FERMT2: variants seen among roughly 807,000 people sequenced by gnomAD.
The protein encoded by FERMT2 is FERM domain containing kindlin 2, also known as fermitin family homolog 2.
FERMT2 carries 15 observed loss-of-function variants against 82.7 expected under a neutral mutation model. That is an observed-to-expected ratio of 0.18 (90% CI 0.12 to 0.28). FERMT2 has a LOEUF of 0.28. FERMT2 is among the 10% of genes least tolerant of loss of function. FERMT2 has a pLI of 1.00. For missense variants in FERMT2, 645 were observed against 809.4 expected, an observed-to-expected ratio of 0.80 and a Z score of 2.46; for synonymous variants, 274 against 271.5, an observed-to-expected ratio of 1.01 and a Z score of -0.09.
chr14:52,910,647 G>A (rs1226468817), intron 3 of FERMT2, among the ~76,000 whole-genome samples: 1 of 152,166 alleles, frequency 6.6e-6, no homozygotes, highest in Non-Finnish European at 1.5e-5. Flanking sequence ...ATTTTCTCAA[G>A]AGTTAAATTA....
intron 3 of FERMT2, among the ~76,000 whole-genome samples, chr14:52,911,784 T>C (rs1305166779): frequency 6.6e-6 from 1 of 152,216 alleles, no homozygotes; most frequent in African/African-American, 2.4e-5. Flanking sequence ...GGAATATTTA[T>C]AGCAATAACA....
Position 52,860,305 on chromosome 14 carries a change from ATTAAGGTTTACACATAGATGCT to A in FERMT2, c.1727+14_1727+35del. On this transcript the variant is annotated intron_variant, in intron 13 of 14. Transcript: ENST00000341590. ...TGAGGTAGATTAAGCAAAAATGCAG[ATTAAGGTTTACACATAGATGCT>A]TAGAACCACTGACCTTGCAATGAAG... is the stretch of plus-strand genomic sequence containing the variant. 5.6e-6 allele frequency: 9 copies of A among 1,605,790 alleles called. No individual in the cohort carries two copies. The highest frequency in any genetic ancestry group is 7.7e-6 in the Non-Finnish European group (9 of 1,175,586).
intron 9 of FERMT2, among the ~76,000 whole-genome samples, chr14:52,873,253 G>A (rs1274284181): frequency 6.6e-6 from 1 of 152,196 alleles, no homozygotes; most frequent in Non-Finnish European, 1.5e-5. Context: ...TGAAGTAAAT[G>A]TCAGTAATTG....
chr14:52,945,980 G>A (rs533484040), intron 2 of FERMT2, among the ~76,000 whole-genome samples: 11 of 152,098 alleles, frequency 7.2e-5, no homozygotes, highest in Admixed American at 2.6e-4. Flanking sequence ...GGGTTCGAGC[G>A]ATTCTCCTGT....
At chr14:52,906,949 G>A (rs1006626394) in intron 3 of FERMT2, among the ~76,000 whole-genome samples, 1 of 133,352 alleles carries the variant, frequency 7.5e-6, no homozygotes, top group Non-Finnish European at 1.6e-5. Flanking sequence ...CAATTATTGG[G>A]GGGGGGGGGG....
rs202238615 is a variant in FERMT2, at chr14:52,872,920, T to C, written c.1152A>G (p.Pro384=). The C allele has an allele frequency of 6.2e-7, 1 of 1,613,690 alleles. No individual in the cohort carries two copies. Among genetic ancestry groups the C allele is most frequent in the East Asian group, 2.2e-5 (1 of 44,882 alleles). The change falls in exon 10 of 15, where the codon CCA becomes CCG. Residue 384 remains proline (P), a synonymous_variant. Transcript: ENST00000341590. ...TGTAACCTTTCAGAGTCAGCTTTTT[T>C]GGCCTATGTATCAAAGAGAATTAAC... ...ELADYIKVFK[P]KKLTLKGYKQ...
rs1207085435 is a variant in FERMT2 at position 52,864,804 on chromosome 14, A to C, written c.1323T>G (p.Ile441Met). The C allele has an allele frequency of 6.2e-7, 1 of 1,612,280 alleles. No homozygotes were observed. Among genetic ancestry groups the C allele is most frequent in the South Asian group, 1.1e-5 (1 of 90,976 alleles). The change falls in exon 11 of 15, where the codon ATT becomes ATG. Residue 441 changes from isoleucine (I) to methionine (M), a missense_variant. Physicochemically the swap from Ile to Met is conservative, Grantham distance 10. Transcript: ENST00000341590. ...CTTCTGCAACTGGAATCAGGAGTTT[A>C]ATGTTAAATTTTTGGCCTGAAATGT... ...DVNISGQKFNIKLLIPVAEGM... is the reference protein window; with the variant it reads ...DVNISGQKFNMKLLIPVAEGM...
rs3068969 is a variant in FERMT2, at chr14:52,892,456, G to GTTTTTTGTTTTT, written c.526+836_526+837insAAAAACAAAAAA. Among the ~76,000 whole-genome samples, 2 of 133,388 alleles carry GTTTTTTGTTTTT rather than the reference G, an allele frequency of 1.5e-5. 1 individual carries two copies. Among genetic ancestry groups the GTTTTTTGTTTTT allele is most frequent in the Non-Finnish European group, 3.1e-5 (2 of 64,440 alleles). 87.5% of individuals were successfully genotyped at this position (133,388 alleles called of 152,430 possible). A position where few individuals can be genotyped will look rare whatever the true frequency, so the allele number is the denominator to read the frequency against. On this transcript the variant is annotated intron_variant, in intron 4 of 14. Transcript: ENST00000341590. ...AGTACCCCGCCTGGTGCTGTTTTTTGTTTTTTTTTTTTTTTGAGATGGAGT... is the reference window on the plus strand; with the variant it reads ...AGTACCCCGCCTGGTGCTGTTTTTTGTTTTTTGTTTTTTTTTTTTTTTTTTTTGAGATGGAGT...
intron 2 of FERMT2, among the ~76,000 whole-genome samples, chr14:52,919,717 A>G (rs78991130): frequency 2.6e-5 from 4 of 152,314 alleles, no homozygotes; most frequent in South Asian, 2.1e-4. Context: ...AACTCGTCCT[A>G]TAGGAATGGA....
At chr14:52,862,057 T>C (rs1014606340) in intron 12 of FERMT2, 2 of 152,164 alleles carry the variant, frequency 1.3e-5, no homozygotes, top group Admixed American at 1.3e-4. Context: ...ATGGTCGCTA[T>C]TCTCTGGAAA....
At chr14:52,903,393 G>T (rs1156972074) in intron 3 of FERMT2, among the ~76,000 whole-genome samples, 1 of 151,642 alleles carries the variant, frequency 6.6e-6, no homozygotes, top group Non-Finnish European at 1.5e-5. Context: ...TAAAAATTAG[G>T]CAGGCATGGT....
intron 2 of FERMT2, among the ~76,000 whole-genome samples, chr14:52,931,873 C>CA (rs1375362110): frequency 4.6e-5 from 7 of 151,926 alleles, no homozygotes; most frequent in African/African-American, 1.7e-4. Flanking sequence ...ACTAAAAATA[C>CA]AAAAAATTAG....
chr14:52,865,839 A>G (rs1885243651), intron 10 of FERMT2, among the ~76,000 whole-genome samples: 1 of 152,212 alleles, frequency 6.6e-6, no homozygotes, highest in Admixed American at 6.5e-5. Context: ...AACACTTTAG[A>G]TAAAGGAGAG....
intron 4 of FERMT2, chr14:52,881,862 A>G: frequency 9.5e-7 from 1 of 1,051,262 alleles, no homozygotes; most frequent in Non-Finnish European, 1.3e-6. Context: ...TTCAGAAGGT[A>G]AAGGAAAGGC....
chr14:52,883,344 T>C (rs969422825), intron 4 of FERMT2, among the ~76,000 whole-genome samples: 5 of 152,146 alleles, frequency 3.3e-5, no homozygotes, highest in Admixed American at 6.5e-5. Context: ...TGACACCTTT[T>C]GAAAGGACTA....
rs763018889 is a variant in FERMT2, at chr14:52,858,563, C to G, written c.1870-13G>C. On this transcript the variant is annotated splice_polypyrimidine_tract_variant and intron_variant, in intron 14 of 14. Coordinates refer to ENST00000341590, the MANE Select transcript of FERMT2 (RefSeq NM_006832.3). ...ACTCTACGGTGACCTGGAACAAAGA[C>G]AAGAGCCATCAGTGCTGTCCCAAAT... 2 of 1,613,398 alleles carry G rather than the reference C, an allele frequency of 1.2e-6. No homozygotes were observed. Among genetic ancestry groups the G allele is most frequent in the Non-Finnish European group, 1.7e-6 (2 of 1,179,550 alleles).
intron 9 of FERMT2, 40 bp from the exon 10 acceptor site, chr14:52,872,963 G>T (rs199622592): frequency 1.8e-5 from 29 of 1,599,220 alleles, no homozygotes; most frequent in Non-Finnish European, 2.5e-5. Context: ...TCACTTGGAA[G>T]TAACTTTATT....
intron 3 of FERMT2, among the ~76,000 whole-genome samples, chr14:52,901,847 C>T (rs115734861): frequency 0.01 from 1,561 of 152,348 alleles, 28 homozygotes; most frequent in African/African-American, 0.036. Context: ...GCCACGTGTA[C>T]ACACCTTTAA....
chr14:52,918,922 A>C (rs1313980702), intron 3 of FERMT2, among the ~76,000 whole-genome samples: 1 of 152,200 alleles, frequency 6.6e-6, no homozygotes, highest in Non-Finnish European at 1.5e-5. Context: ...TAAGGAAAGA[A>C]TCTCTACTAG....
Sources: allele counts gnomAD v4.1 joint callset (sites outside exome capture counted in the v4.1 genomes callset), GRCh38; gene constraint gnomAD v4.1.1; transcripts MANE v1.5; gene names NCBI Gene and HGNC (gene_info 2026-07-23, HGNC 2026-07-21).